Variants in EXOC4 observed in about 807,000 individuals in gnomAD.
The protein encoded by EXOC4 is SEC8-like 1.
EXOC4 carries 71 observed loss-of-function variants against 107.2 expected under a neutral mutation model. The observed-to-expected ratio is 0.66, with a 90% confidence interval of 0.55 to 0.81. The LOEUF (loss-of-function observed/expected upper bound fraction) is 0.81, where lower values mean the gene tolerates loss of function less well. Ranked by LOEUF, EXOC4 falls within the 30% of genes least tolerant of loss-of-function variation. The pLI is 0.00. For missense variants in EXOC4, 1,108 were observed against 1,189.6 expected (o/e 0.93, Z 1.01); for synonymous variants, 456 against 441.2 (o/e 1.03, Z -0.42).
chr7:133,927,459 T>C (rs1431167291), intron 13 of EXOC4, among the ~76,000 whole-genome samples: 1 of 152,212 alleles, frequency 6.6e-6, no homozygotes, highest in Admixed American at 6.5e-5. Context: ...CTCAACGTAA[T>C]ATAAGCAACA....
chr7:133,624,126 C>A (rs1245920944), intron 9 of EXOC4, among the ~76,000 whole-genome samples: 2 of 152,124 alleles, frequency 1.3e-5, no homozygotes, highest in Non-Finnish European at 2.9e-5. Context: ...CACTGTGGTT[C>A]TTTTCTACGT....
At chr7:133,715,390 G>T (rs372476062) in intron 10 of EXOC4, among the ~76,000 whole-genome samples, 2 of 151,984 alleles carry the variant, frequency 1.3e-5, no homozygotes, top group African/African-American at 4.8e-5. Flanking sequence ...GGTGAAACCT[G>T]ACTGCAGACC....
At chr7:133,895,756 T>C (rs1400933150) in intron 12 of EXOC4, 21 bp downstream of exon 12, 1 of 1,602,776 alleles carries the variant, frequency 6.2e-7, no homozygotes. Context: ...TGTTAGGGGC[T>C]AAGCAAAGTA....
chr7:133,428,269 C>A (rs1431250355), intron 7 of EXOC4, among the ~76,000 whole-genome samples: 1 of 152,186 alleles, frequency 6.6e-6, no homozygotes, highest in Non-Finnish European at 1.5e-5. Flanking sequence ...ATTTCTCAGC[C>A]ACAGTTAAAT....
chr7:133,314,052 AT>A (rs1324477990), intron 4 of EXOC4, among the ~76,000 whole-genome samples: 2 of 152,150 alleles, frequency 1.3e-5, no homozygotes, highest in Admixed American at 1.3e-4. Flanking sequence ...TTTTTATTTT[AT>A]TTTTTGTTTT....
chr7:133,761,559 C>T (rs1232759054), intron 10 of EXOC4, among the ~76,000 whole-genome samples: 1 of 152,136 alleles, frequency 6.6e-6, no homozygotes, highest in Non-Finnish European at 1.5e-5. Flanking sequence ...GATGCGTTGG[C>T]TGTTGACTCA....
At chr7:133,610,636 T>A (rs1410426569) in intron 9 of EXOC4, among the ~76,000 whole-genome samples, 1 of 152,130 alleles carries the variant, frequency 6.6e-6, no homozygotes, top group Non-Finnish European at 1.5e-5. Flanking sequence ...TTTTATATTC[T>A]TGAATAGAGC....
chr7:134,013,514 G>A (rs1159543117), intron 17 of EXOC4, among the ~76,000 whole-genome samples: 1 of 152,190 alleles, frequency 6.6e-6, no homozygotes, highest in Admixed American at 6.5e-5. Context: ...AAACCAAGAG[G>A]CCCTGAATGA....
intron 17 of EXOC4, among the ~76,000 whole-genome samples, chr7:134,008,128 TATATA>T (rs1223664886): frequency 2.0e-5 from 3 of 152,184 alleles, no homozygotes; most frequent in East Asian, 1.9e-4. Flanking sequence ...TTGCATAAAA[TATATA>T]AGATAAGATA....
intron 10 of EXOC4, among the ~76,000 whole-genome samples, chr7:133,662,335 C>A (rs1793712806): frequency 6.6e-6 from 1 of 152,084 alleles, no homozygotes; most frequent in Non-Finnish European, 1.5e-5. Context: ...AGAAAGAAAG[C>A]CAGTTTCGGG....
chr7:133,496,678 T>A (rs1799482549), intron 9 of EXOC4, among the ~76,000 whole-genome samples: 1 of 152,212 alleles, frequency 6.6e-6, no homozygotes, highest in Non-Finnish European at 1.5e-5. Context: ...TTTTGAATGA[T>A]CTTTTTATTG....
intron 9 of EXOC4, among the ~76,000 whole-genome samples, chr7:133,613,288 C>G (rs1585032515): frequency 6.6e-6 from 1 of 152,230 alleles, no homozygotes; most frequent in African/African-American, 2.4e-5. Context: ...TAAATCATAA[C>G]TGCATAAAAT....
chr7:133,255,916 T>C (rs941788212), intron 1 of EXOC4, among the ~76,000 whole-genome samples: 1 of 152,126 alleles, frequency 6.6e-6, no homozygotes, highest in Non-Finnish European at 1.5e-5. Context: ...AGTTGCTTCT[T>C]GTATTTCTGT....
intron 7 of EXOC4, among the ~76,000 whole-genome samples, chr7:133,453,324 T>C (rs776434135): frequency 2.0e-5 from 3 of 152,188 alleles, no homozygotes; most frequent in Non-Finnish European, 4.4e-5. Context: ...AGATCATTGG[T>C]AGCATGGAAC....
At chr7:134,054,424 C>G (rs1387230509) in intron 17 of EXOC4, among the ~76,000 whole-genome samples, 1 of 152,158 alleles carries the variant, frequency 6.6e-6, no homozygotes, top group Non-Finnish European at 1.5e-5. Flanking sequence ...AGATGACTCC[C>G]CTTTCATTAC....
At chr7:133,724,646 C>T (rs1478864960) in intron 10 of EXOC4, among the ~76,000 whole-genome samples, 1 of 152,096 alleles carries the variant, frequency 6.6e-6, no homozygotes, top group Non-Finnish European at 1.5e-5. Context: ...GATAATAGAT[C>T]ATTTGGTGAC....
chr7:133,377,248 G>C (rs988509214), intron 7 of EXOC4, among the ~76,000 whole-genome samples: 15 of 152,140 alleles, frequency 9.9e-5, no homozygotes, highest in Admixed American at 6.5e-5. Flanking sequence ...CAGCTACTCA[G>C]GAAGCTGAGG....
intron 7 of EXOC4, among the ~76,000 whole-genome samples, chr7:133,391,172 A>G (rs1447744631): frequency 6.6e-6 from 1 of 152,222 alleles, no homozygotes; most frequent in East Asian, 1.9e-4. Context: ...AAGGGTTTTG[A>G]AAATATAAAG....
At chr7:133,806,210 T>G (rs1411369093) in intron 10 of EXOC4, among the ~76,000 whole-genome samples, 1 of 152,212 alleles carries the variant, frequency 6.6e-6, no homozygotes, top group Non-Finnish European at 1.5e-5. Flanking sequence ...TGTCTATACA[T>G]CTAGAAGCTT....
Sources: gnomAD v4.1 joint callset for allele counts (sites outside exome capture counted in the v4.1 genomes callset) on GRCh38, gnomAD v4.1.1 for gene constraint, MANE v1.5 for transcripts, NCBI Gene and HGNC (gene_info 2026-07-23, HGNC 2026-07-21) for gene names.